Variants in IL1RAPL1 observed in about 807,000 individuals in gnomAD.
IL1RAPL1 encodes interleukin-1 receptor accessory protein-like 1.
IL1RAPL1 carries 3 observed loss-of-function variants against 48.4 expected under a neutral mutation model. The observed-to-expected ratio is 0.06, with a 90% CI of 0.03 to 0.16. The LOEUF is 0.16. IL1RAPL1 is among the 10% of genes least tolerant of loss of function. The probability of loss-of-function intolerance (pLI) is 1.00; values close to 1 mark genes in which losing one functional copy is unlikely to be tolerated. For missense variants in IL1RAPL1, 349 were observed against 530.6 expected (o/e 0.66, Z 3.36); for synonymous variants, 185 against 187.7 (o/e 0.99, Z 0.12).
At chrX:29,580,596 G>T (rs1922930652) in intron 5 of IL1RAPL1, among the ~76,000 whole-genome samples, 1 of 111,711 alleles carries the variant, frequency 9.0e-6, no homozygotes, top group African/African-American at 3.3e-5. Flanking sequence ...TGGATCTTCT[G>T]GGGGTTGGCT....
intron 2 of IL1RAPL1, among the ~76,000 whole-genome samples, chrX:29,055,320 G>C (rs1927187545): frequency 1.8e-5 from 2 of 111,255 alleles, no homozygotes; most frequent in African/African-American, 6.5e-5. Flanking sequence ...GTCCAGATAA[G>C]AGCCTATAAT....
At chrX:29,558,109 C>T (rs1351646132) in intron 5 of IL1RAPL1, among the ~76,000 whole-genome samples, 1 of 111,337 alleles carries the variant, frequency 9.0e-6, no homozygotes, top group African/African-American at 3.3e-5. Context: ...TGAGGAACCT[C>T]CATTATGTTT....
intron 2 of IL1RAPL1, among the ~76,000 whole-genome samples, chrX:29,263,603 GC>G (rs1436154525): frequency 2.7e-5 from 3 of 111,752 alleles, no homozygotes; most frequent in South Asian, 7.6e-4. Flanking sequence ...CCAATCATAG[GC>G]TTACGTTACT....
intron 2 of IL1RAPL1, among the ~76,000 whole-genome samples, chrX:29,153,381 G>A (rs1304258992): frequency 9.0e-6 from 1 of 111,439 alleles, no homozygotes; most frequent in Non-Finnish European, 1.9e-5. Flanking sequence ...GTCTTTGGGA[G>A]GCCATTATTC....
At chrX:29,127,236 G>A (rs1170137274) in intron 2 of IL1RAPL1, among the ~76,000 whole-genome samples, 1 of 110,461 alleles carries the variant, frequency 9.1e-6, no homozygotes, top group East Asian at 2.8e-4. Flanking sequence ...ACCCAATTCA[G>A]TGGTGCTGAA....
intron 6 of IL1RAPL1, among the ~76,000 whole-genome samples, chrX:29,866,646 T>C (rs998574878): frequency 2.8e-5 from 3 of 106,909 alleles, no homozygotes; most frequent in African/African-American, 1.0e-4. Context: ...CTGATGTTGA[T>C]GTATTTTCAG....
chrX:28,928,069 A>AT (rs1157284691), intron 2 of IL1RAPL1, among the ~76,000 whole-genome samples: 4 of 110,585 alleles, frequency 3.6e-5, no homozygotes, highest in Non-Finnish European at 7.6e-5. Context: ...AGACCTTTTG[A>AT]TTTTTTTCCA....
In IL1RAPL1 at chrX:29,908,250, A is replaced by G. The variant is rs969908549; in HGVS notation, c.779-9214A>G. 6.4e-5 allele frequency among the ~76,000 whole-genome samples: 7 copies of G among 109,794 alleles called. No homozygotes were observed. The South Asian group carries it at 2.8e-3, about 43-fold the overall frequency. On this transcript the variant is annotated intron_variant, in intron 6 of 10. Transcript: ENST00000378993. ...GTATCTAATATTTCATATTAGGCAG[A>G]TAGTGTTTCATTTTTAAATTTCAAG...
intron 5 of IL1RAPL1, among the ~76,000 whole-genome samples, chrX:29,509,595 G>T (rs1450172529): frequency 8.9e-6 from 1 of 112,170 alleles, no homozygotes; most frequent in Admixed American, 9.4e-5. Flanking sequence ...AACCCAGATG[G>T]AAAGTTGGCA....
At chrX:28,801,234 A>G (rs1323692199) in intron 2 of IL1RAPL1, among the ~76,000 whole-genome samples, 4 of 111,318 alleles carry the variant, frequency 3.6e-5, no homozygotes, top group Non-Finnish European at 7.5e-5. Context: ...TGCTTTTTCT[A>G]TTTAGGTAAA....
At chrX:28,960,370 A>G (rs1483338442) in intron 2 of IL1RAPL1, among the ~76,000 whole-genome samples, 1 of 111,840 alleles carries the variant, frequency 8.9e-6, no homozygotes, top group Non-Finnish European at 1.9e-5. Context: ...ATAATCTCTT[A>G]TGGAATATCA....
intron 5 of IL1RAPL1, among the ~76,000 whole-genome samples, chrX:29,465,664 A>G (rs1364274244): frequency 9.0e-6 from 1 of 110,822 alleles, no homozygotes; most frequent in Non-Finnish European, 1.9e-5. Context: ...AAGATCTGAA[A>G]TTGTTTTAAT....
intron 2 of IL1RAPL1, among the ~76,000 whole-genome samples, chrX:28,842,270 C>T (rs1308578056): frequency 9.2e-6 from 1 of 108,296 alleles, no homozygotes; most frequent in Non-Finnish European, 1.9e-5. Context: ...GGGTATGTTA[C>T]GATATAAATT....
intron 2 of IL1RAPL1, among the ~76,000 whole-genome samples, chrX:29,028,573 A>C (rs1191608171): frequency 9.0e-6 from 1 of 111,437 alleles, no homozygotes; most frequent in Admixed American, 9.6e-5. Flanking sequence ...GATGTGAGCC[A>C]CCGTGCCAGG....
At chrX:29,311,639 T>TTTAGCC (rs1932726235) in intron 3 of IL1RAPL1, among the ~76,000 whole-genome samples, 1 of 112,172 alleles carries the variant, frequency 8.9e-6, no homozygotes, top group African/African-American at 3.2e-5. Context: ...TAAATAGCCA[T>TTTAGCC]ATGTTGCTAG....
At chrX:28,614,144 T>A (rs1298751372) in intron 1 of IL1RAPL1, among the ~76,000 whole-genome samples, 1 of 109,435 alleles carries the variant, frequency 9.1e-6, no homozygotes, top group African/African-American at 3.3e-5. Context: ...AGGCTATATG[T>A]CTTAGGCTCT....
At chrX:28,809,916 T>C (rs906097396) in intron 2 of IL1RAPL1, among the ~76,000 whole-genome samples, 2 of 107,400 alleles carry the variant, frequency 1.9e-5, no homozygotes, top group African/African-American at 6.8e-5. Flanking sequence ...AGTTTGGAAG[T>C]AAAACCAAAC....
chrX:29,880,459 A>G (rs1315938161), intron 6 of IL1RAPL1, among the ~76,000 whole-genome samples: 1 of 111,961 alleles, frequency 8.9e-6, no homozygotes, highest in Non-Finnish European at 1.9e-5. Flanking sequence ...TAAAATGATC[A>G]TGAAGTGTGC....
intron 6 of IL1RAPL1, among the ~76,000 whole-genome samples, chrX:29,803,016 TGTAC>T (rs1569173416): frequency 1.8e-5 from 1 of 56,039 alleles, no homozygotes; most frequent in African/African-American, 7.5e-5. Context: ...TATACATATG[TGTAC>T]ATATACATGT....
Sources: gnomAD v4.1 joint callset for allele counts (sites outside exome capture counted in the v4.1 genomes callset) on GRCh38, gnomAD v4.1.1 for gene constraint, MANE v1.5 for transcripts, NCBI Gene and HGNC (gene_info 2026-07-23, HGNC 2026-07-21) for gene names.